The following LDB2 variants were observed in gnomAD, a reference collection of about 807,000 sequenced individuals.
LDB2 encodes the protein LIM domain binding 2, also known as LIM domain-binding protein 2.
LDB2 carries 12 observed loss-of-function variants against 44.3 expected under a neutral mutation model. The observed-to-expected ratio is 0.27, with a 90% CI of 0.17 to 0.44. LDB2 has a LOEUF of 0.44. LDB2 is among the 20% of genes least tolerant of loss of function. The pLI, the probability that LDB2 is intolerant of heterozygous loss-of-function variation, is 1.00. For synonymous variants in LDB2, 164 were observed against 174.8 expected (o/e 0.94, Z 0.49); for missense variants, 344 against 473.5 (o/e 0.73, Z 2.54).
intron 2 of LDB2, among the ~76,000 whole-genome samples, chr4:16,624,725 G>C: frequency 6.6e-6 from 1 of 152,070 alleles, no homozygotes; most frequent in East Asian, 1.9e-4. Flanking sequence ...ATTCACAATT[G>C]AACCACCACC....
chr4:16,778,405 A>G (rs1039912584), intron 1 of LDB2, among the ~76,000 whole-genome samples: 13 of 152,072 alleles, frequency 8.5e-5, no homozygotes, highest in African/African-American at 3.1e-4. Flanking sequence ...GTTCATTTCT[A>G]CTAGTCAACA....
rs530721831 is a variant in LDB2, at chr4:16,890,700, C to T, written c.132+7654G>A. 1.3e-5 allele frequency among the ~76,000 whole-genome samples: 2 copies of T among 152,274 alleles called. 1 individual carries two copies. The highest frequency in any genetic ancestry group is 4.1e-4 in the South Asian group (2 of 4,820). On this transcript the variant is annotated intron_variant, in intron 1 of 7. Transcript: ENST00000304523. ...CAGGATGGCCATGCATGAACTGAGG[C>T]CTCGGTTGCTTGTCTGGTAAAGGAG...
chr4:16,853,136 C>T (rs960384336), intron 1 of LDB2, among the ~76,000 whole-genome samples: 1 of 152,136 alleles, frequency 6.6e-6, no homozygotes, highest in African/African-American at 2.4e-5. Context: ...ATTAAGAAGG[C>T]ATGTTTTTTA....
At chr4:16,697,445 G>C (rs1560916518) in intron 2 of LDB2, among the ~76,000 whole-genome samples, 2 of 151,284 alleles carry the variant, frequency 1.3e-5, no homozygotes, top group Non-Finnish European at 2.9e-5. Context: ...CTGGGCGACA[G>C]AGCAAGACTC....
chr4:16,647,667 G>C (rs1737164871), intron 2 of LDB2, among the ~76,000 whole-genome samples: 1 of 152,024 alleles, frequency 6.6e-6, no homozygotes. Context: ...AGACGATCAT[G>C]TTTCCCCTCA....
intron 1 of LDB2, among the ~76,000 whole-genome samples, chr4:16,783,429 A>G (rs917580109): frequency 6.6e-6 from 1 of 152,268 alleles, no homozygotes; most frequent in African/African-American, 2.4e-5. Context: ...TTTTCTCCTC[A>G]TTAAATCACA....
intron 5 of LDB2, among the ~76,000 whole-genome samples, chr4:16,560,823 A>G (rs1741854806): frequency 6.6e-6 from 1 of 152,212 alleles, no homozygotes; most frequent in Admixed American, 6.5e-5. Context: ...CCTCAATAAA[A>G]TACTGGCAAA....
intron 5 of LDB2, among the ~76,000 whole-genome samples, chr4:16,528,576 C>A (rs1232475544): frequency 6.6e-6 from 1 of 152,200 alleles, no homozygotes; most frequent in Admixed American, 6.5e-5. Flanking sequence ...GGTAAGCAAC[C>A]TGAGGGCAGG....
chr4:16,518,315 A>G (rs935530430), intron 5 of LDB2, among the ~76,000 whole-genome samples: 2 of 152,142 alleles, frequency 1.3e-5, no homozygotes, highest in African/African-American at 4.8e-5. Flanking sequence ...GTTGGCTGTG[A>G]ACTACAAAGC....
intron 5 of LDB2, among the ~76,000 whole-genome samples, chr4:16,520,206 T>TG (rs1334583089): frequency 2.0e-5 from 3 of 149,292 alleles, no homozygotes; most frequent in Admixed American, 6.7e-5. Context: ...ATGATGGGGG[T>TG]GGGGGGAGAT....
At chr4:16,653,191 A>G (rs1242683828) in intron 2 of LDB2, among the ~76,000 whole-genome samples, 2 of 152,100 alleles carry the variant, frequency 1.3e-5, no homozygotes, top group Non-Finnish European at 2.9e-5. Flanking sequence ...GGAGAGAACT[A>G]AGTCGCATCA....
At chr4:16,872,781 T>G (rs1297049981) in intron 1 of LDB2, among the ~76,000 whole-genome samples, 1 of 152,178 alleles carries the variant, frequency 6.6e-6, no homozygotes, top group East Asian at 1.9e-4. Context: ...AGAGAAAAGA[T>G]TTCACAGCCA....
intron 5 of LDB2, among the ~76,000 whole-genome samples, chr4:16,512,446 CAAACA>C (rs979201867): frequency 2.6e-4 from 33 of 126,174 alleles, no homozygotes; most frequent in Admixed American, 8.1e-4. Context: ...TGGTTAAAAA[CAAACA>C]AAACAAAACA....
intron 1 of LDB2, among the ~76,000 whole-genome samples, chr4:16,864,715 A>G (rs1268579179): frequency 2.0e-5 from 3 of 152,186 alleles, no homozygotes; most frequent in Admixed American, 6.5e-5. Flanking sequence ...ACCTGAGGTC[A>G]GGAGTTCGAG....
At chr4:16,798,505 C>G (rs1011980720) in intron 1 of LDB2, among the ~76,000 whole-genome samples, 2 of 152,206 alleles carry the variant, frequency 1.3e-5, no homozygotes, top group Non-Finnish European at 2.9e-5. Flanking sequence ...CAATTGTTAT[C>G]TACTTTGTAA....
At chr4:16,592,703 T>TA (rs985741754) in intron 3 of LDB2, among the ~76,000 whole-genome samples, 2 of 151,724 alleles carry the variant, frequency 1.3e-5, no homozygotes, top group African/African-American at 4.8e-5. Flanking sequence ...TCTGTAGCAG[T>TA]AAAAAAATTC....
At chr4:16,538,813 T>G (rs1732741462) in intron 5 of LDB2, among the ~76,000 whole-genome samples, 1 of 152,226 alleles carries the variant, frequency 6.6e-6, no homozygotes, top group African/African-American at 2.4e-5. Flanking sequence ...TATTAAGTAG[T>G]CTGCATGTAT....
At chr4:16,703,221 T>A (rs1458755489) in intron 2 of LDB2, among the ~76,000 whole-genome samples, 1 of 152,202 alleles carries the variant, frequency 6.6e-6, no homozygotes, top group Non-Finnish European at 1.5e-5. Flanking sequence ...GGGAGGCAGC[T>A]ATATGAAATT....
intron 5 of LDB2, among the ~76,000 whole-genome samples, chr4:16,528,613 C>T (rs981103737): frequency 3.9e-5 from 6 of 152,290 alleles, no homozygotes; most frequent in Middle Eastern, 3.4e-3. Flanking sequence ...GCTGAAGAGG[C>T]GCACACAAGC....
Sources: allele counts gnomAD v4.1 joint callset (sites outside exome capture counted in the v4.1 genomes callset), GRCh38; gene constraint gnomAD v4.1.1; transcripts MANE v1.5; gene names NCBI Gene and HGNC (gene_info 2026-07-23, HGNC 2026-07-21).